Variants in TRPV1 observed in about 807,000 individuals in gnomAD.
TRPV1 encodes OTRPC1.
Under a neutral mutation model 82.3 loss-of-function variants are expected in TRPV1, and 82 were observed. The ratio of observed to expected loss-of-function variants is 1.00; its 90% confidence interval spans 0.83 to 1.20. The LOEUF (loss-of-function observed/expected upper bound fraction) is 1.20. Among genes scored for constraint, TRPV1 ranks in the 50% most tolerant of loss-of-function variants. The probability of loss-of-function intolerance (pLI) is 0.00; values close to 1 mark genes in which losing one functional copy is unlikely to be tolerated. For missense variants in TRPV1, 1,067 were observed against 1,096.8 expected (o/e 0.97, Z 0.38); for synonymous variants, 515 against 467.7 (o/e 1.10, Z -1.30).
At chr17:3,593,116 G>A (rs867349315) in intron 2 of TRPV1, among the ~76,000 whole-genome samples, 998 of 92,518 alleles carry the variant, frequency 0.011, 20 homozygotes, top group Non-Finnish European at 9.3e-3. Flanking sequence ...GTGTGTGTGT[G>A]TGTGTGTGTG....
At chr17:3,574,043 C>T in intron 13 of TRPV1, 88 bp from the exon 14 acceptor site, 2 of 1,169,776 alleles carry the variant, frequency 1.7e-6, no homozygotes, top group Non-Finnish European at 2.4e-6. Context: ...CAGTCAGTCT[C>T]AAATAACTTT....
At chr17:3,599,385 C>A (rs1386951898) in intron 2 of TRPV1, among the ~76,000 whole-genome samples, 1 of 152,166 alleles carries the variant, frequency 6.6e-6, no homozygotes, top group Non-Finnish European at 1.5e-5. Context: ...ATGCACAGAA[C>A]TTTTTCATCA....
At chr17:3,600,140 A>T (rs1377150122) in intron 2 of TRPV1, among the ~76,000 whole-genome samples, 10 of 152,148 alleles carry the variant, frequency 6.6e-5, no homozygotes, top group Admixed American at 6.6e-4. Flanking sequence ...GTCATATATA[A>T]AAGACTCAGC....
chr17:3,594,531 C>A (rs963931546), intron 2 of TRPV1, among the ~76,000 whole-genome samples: 3 of 152,204 alleles, frequency 2.0e-5, no homozygotes, highest in African/African-American at 7.2e-5. Flanking sequence ...AGGCTGTGAA[C>A]AGGACGGACG....
At chr17:3,600,413 C>T (rs905550206) in intron 2 of TRPV1, among the ~76,000 whole-genome samples, 1 of 152,136 alleles carries the variant, frequency 6.6e-6, no homozygotes, top group Non-Finnish European at 1.5e-5. Flanking sequence ...CATAGTGGAA[C>T]CTTGTCTCTA....
At chr17:3,584,277 C>A (rs112985517) in intron 9 of TRPV1, among the ~76,000 whole-genome samples, 3 of 148,392 alleles carry the variant, frequency 2.0e-5, no homozygotes, top group African/African-American at 2.5e-5. Flanking sequence ...AAACAAAAAA[C>A]AAAAAACAAA....
intron 13 of TRPV1, among the ~76,000 whole-genome samples, chr17:3,574,798 G>A (rs921745819): frequency 2.0e-5 from 3 of 151,670 alleles, no homozygotes; most frequent in Non-Finnish European, 4.4e-5. Context: ...AAATAGCCAG[G>A]TTGGGATTAT....
chr17:3,576,353 A>T (rs1290475672), intron 13 of TRPV1, among the ~76,000 whole-genome samples: 1 of 151,600 alleles, frequency 6.6e-6, no homozygotes, highest in Non-Finnish European at 1.5e-5. Flanking sequence ...CCCCATCTCT[A>T]TTAAAAATAT....
At chr17:3,570,397 AATAG>A (rs1482866443) in intron 16 of TRPV1, among the ~76,000 whole-genome samples, 1 of 152,010 alleles carries the variant, frequency 6.6e-6, no homozygotes, top group Non-Finnish European at 1.5e-5. Context: ...AAGTTCTGGA[AATAG>A]ATAGTGGTGA....
At chr17:3,600,138 T>C (rs1042527563) in intron 2 of TRPV1, among the ~76,000 whole-genome samples, 1 of 152,186 alleles carries the variant, frequency 6.6e-6, no homozygotes, top group African/African-American at 2.4e-5. Flanking sequence ...CTGTCATATA[T>C]AAAAGACTCA....
At chr17:3,569,142 A>G (rs1249935455) in intron 16 of TRPV1, among the ~76,000 whole-genome samples, 1 of 152,224 alleles carries the variant, frequency 6.6e-6, no homozygotes, top group Admixed American at 6.5e-5. Context: ...GGGGAGGGAC[A>G]GCATTAGAAG....
In TRPV1 at chr17:3,580,001, T is replaced by C. The variant is rs992207711; in HGVS notation, c.1547+456A>G. ...AGTAGAGGCCGGTGATGCTGCTATA[T>C]ACTCTACGATGCACAGGGCAGCCCC... On this transcript the variant is annotated intron_variant, in intron 11 of 16. Coordinates refer to ENST00000572705, the MANE Select transcript of TRPV1 (RefSeq NM_080704.4). 4.5e-4 allele frequency among the ~76,000 whole-genome samples: 67 copies of C among 150,004 alleles called. 1 individual carries two copies. The highest frequency in any genetic ancestry group is 1.6e-3 in the African/African-American group (65 of 41,314).
At chr17:3,588,856 A>G (rs1023598681) in intron 7 of TRPV1, 2 of 1,401,336 alleles carry the variant, frequency 1.4e-6, no homozygotes, top group African/African-American at 2.9e-5. Context: ...TCAACCAGCC[A>G]GCTGCCTCAG....
intron 13 of TRPV1, among the ~76,000 whole-genome samples, chr17:3,575,520 C>A (rs1454218941): frequency 6.6e-6 from 1 of 151,710 alleles, no homozygotes; most frequent in Non-Finnish European, 1.5e-5. Context: ...GCCACCATCA[C>A]AGGATGAAGT....
chr17:3,593,086 G>GTA, intron 2 of TRPV1, among the ~76,000 whole-genome samples: 1 of 1,378 alleles, frequency 7.3e-4, no homozygotes, highest in African/African-American at 2.7e-3. Context: ...TTAGGCGTGT[G>GTA]TGTGTGTGTG....
chr17:3,586,034 G>A lies in TRPV1; in HGVS notation c.1225-108C>T, dbSNP rs375928356. 283 of 1,406,328 alleles carry A rather than the reference G, an allele frequency of 2.0e-4. 1 individual carries two copies. In the African/African-American group the frequency reaches 2.1e-3, roughly 11 times the overall value. The allele number at this position is 1,406,328 out of a possible 1,614,324, so 87.1% of individuals were successfully genotyped here. On this transcript the variant is annotated intron_variant, in intron 8 of 16. Coordinates refer to ENST00000572705, the MANE Select transcript of TRPV1 (RefSeq NM_080704.4). ...AGCCATGTGGCCCGCACAGTCCTCAGCCCACGGAGCAGGTGAGATGGGAGG... is the reference window on the plus strand; with the variant it reads ...AGCCATGTGGCCCGCACAGTCCTCAACCCACGGAGCAGGTGAGATGGGAGG...
rs1303840920 is a variant in TRPV1, at chr17:3,588,320, C to G, written c.1092G>C (p.Arg364Ser). 6.4e-7 allele frequency: 1 copy of G among 1,568,114 alleles called. No homozygotes were observed. The highest frequency in any genetic ancestry group is 2.4e-5 in the East Asian group (1 of 41,896). Reference protein sequence around the residue: ...LQREIQEPECRHLSRKFTEWA... With the variant: ...LQREIQEPECSHLSRKFTEWA... ...ACTCGGTGAACTTCCTGGACAGGTGCCTGCACTCGGGCTCCTGGATCTCCC... is the reference window on the plus strand; with the variant it reads ...ACTCGGTGAACTTCCTGGACAGGTGGCTGCACTCGGGCTCCTGGATCTCCC... Residue 364 changes from arginine (R) to serine (S), a missense_variant, in exon 8 of 17, where the codon AGG becomes AGC. Coordinates refer to ENST00000572705, the MANE Select transcript of TRPV1 (RefSeq NM_080704.4).
chr17:3,600,342 C>G (rs1433990416), intron 2 of TRPV1, among the ~76,000 whole-genome samples: 1 of 152,200 alleles, frequency 6.6e-6, no homozygotes, highest in African/African-American at 2.4e-5. Flanking sequence ...AATCCTAGCA[C>G]TTTGGGAGGC....
In TRPV1 at chr17:3,576,668, A is replaced by AAAAAAAAAAAAAATATAT; in HGVS notation, c.1780+457_1780+458insATATATTTTTTTTTTTTT. Among the ~76,000 whole-genome samples, 86 of 38,372 alleles carry AAAAAAAAAAAAAATATAT rather than the reference A, an allele frequency of 2.2e-3. 1 individual carries two copies. Among genetic ancestry groups the AAAAAAAAAAAAAATATAT allele is most frequent in the East Asian group, 3.5e-3 (2 of 576 alleles). 25.2% of individuals were successfully genotyped at this position (38,372 alleles called of 152,430 possible). On this transcript the variant is annotated intron_variant, in intron 13 of 16. Coordinates refer to ENST00000572705, the MANE Select transcript of TRPV1 (RefSeq NM_080704.4). ...CTCTGTATGAGAAAAAAAAAAAAAAAATATATATATATATATATATATGCA... is the reference window on the plus strand; with the variant it reads ...CTCTGTATGAGAAAAAAAAAAAAAAAAAAAAAAAAAAAATATATATATATATATATATATATATATGCA...
Sources: gnomAD v4.1 joint callset for allele counts (sites outside exome capture counted in the v4.1 genomes callset) on GRCh38, gnomAD v4.1.1 for gene constraint, MANE v1.5 for transcripts, NCBI Gene and HGNC (gene_info 2026-07-23, HGNC 2026-07-21) for gene names.